Variants in HDAC3 observed in about 807,000 individuals in gnomAD.
The protein encoded by HDAC3 is SMAP45.
HDAC3 carries 21 observed loss-of-function variants against 62.3 expected under a neutral mutation model. The observed-to-expected ratio is 0.34, with a 90% CI of 0.24 to 0.49. HDAC3 has a LOEUF of 0.49. HDAC3 is among the 20% of genes least tolerant of loss of function. The pLI, the probability that HDAC3 is intolerant of heterozygous loss-of-function variation, is 0.99. For missense variants in HDAC3, 270 were observed against 556.9 expected, an observed-to-expected ratio of 0.48 and a Z score of 5.19; for synonymous variants, 198 against 206.5, an observed-to-expected ratio of 0.96 and a Z score of 0.35.
chr5:141,635,899 C>T (rs1438636690), intron 2 of HDAC3: 1 of 152,452 alleles, frequency 6.6e-6, no homozygotes, highest in Non-Finnish European at 1.5e-5. Context: ...TGGGCCACCA[C>T]GCCTGGCGTG....
At position 141,628,667 on chromosome 5, in the gene HDAC3, C is replaced by A; in HGVS notation, c.611-28G>T. 6.3e-7 allele frequency: 1 copy of A among 1,582,572 alleles called. No individual in the cohort carries two copies. Among genetic ancestry groups the A allele is most frequent in the Non-Finnish European group, 8.7e-7 (1 of 1,152,456 alleles). The stretch of plus-strand genomic sequence containing the variant: ...GTAGGGAAGTGGGTGGTGGTAGCCA[C>A]ACATGGGAAGCACCCACAACCCAGC... On this transcript the variant is annotated intron_variant, in intron 7 of 14. Transcript: ENST00000305264. The surrounding 1 kb of genome is among the most constrained non-coding windows in gnomAD (Gnocchi z 4.7).
chr5:141,626,226 A>G lies in HDAC3; in HGVS notation c.888T>C (p.Gly296=). 6.2e-7 allele frequency: 1 copy of G among 1,614,122 alleles called. No homozygotes were observed. Among genetic ancestry groups the G allele is most frequent in the African/African-American group, 1.3e-5 (1 of 75,020 alleles). The part of the protein sequence containing the change: ...FNIPLLVLGG[G]GYTVRNVARC... Reference sequence around the variant, plus strand: ...GGGCAACATTTCGGACAGTATAACCACCACCACCCAGCACGAGTAGAGGGA... The same window carrying G: ...GGGCAACATTTCGGACAGTATAACCGCCACCACCCAGCACGAGTAGAGGGA... The change falls in exon 11 of 15, where the codon GGT becomes GGC. Residue 296 remains glycine, a synonymous_variant. Coordinates refer to ENST00000305264, the MANE Select transcript of HDAC3 (RefSeq NM_003883.4). This position sits in a 1 kb window ranked among gnomAD's most constrained non-coding sequence, Gnocchi z 4.6.
rs2099904422 is a variant in HDAC3, at chr5:141,626,415, TTA to T, written c.831-134_831-133del. 3 of 710,726 alleles carry T rather than the reference TTA, an allele frequency of 4.2e-6. No individual in the cohort carries two copies. The highest frequency in any genetic ancestry group is 1.6e-5 in the South Asian group (1 of 61,040). 44.0% of individuals were successfully genotyped at this position (710,726 alleles called of 1,614,324 possible). A position where few individuals can be genotyped will look rare whatever the true frequency, so the allele number is the denominator to read the frequency against. ...ATCTTTATCTTGATAGTGAAATTCATTATGTTATACCCTTAAGATTTGGGTAT... is the reference window on the plus strand; with the variant it reads ...ATCTTTATCTTGATAGTGAAATTCATTGTTATACCCTTAAGATTTGGGTAT... On this transcript the variant is annotated intron_variant, in intron 10 of 14. Coordinates refer to ENST00000305264, the MANE Select transcript of HDAC3 (RefSeq NM_003883.4). This position sits in a 1 kb window ranked among gnomAD's most constrained non-coding sequence, Gnocchi z 4.6.
intron 3 of HDAC3, among the ~76,000 whole-genome samples, chr5:141,634,358 C>G (rs1014391801): frequency 6.6e-6 from 1 of 152,160 alleles, no homozygotes; most frequent in African/African-American, 2.4e-5. Context: ...CATACTCAGT[C>G]CTACCACAGA....
intron 3 of HDAC3, among the ~76,000 whole-genome samples, chr5:141,631,910 A>ATATTAT (rs146879536): frequency 6.6e-6 from 1 of 152,020 alleles, no homozygotes; most frequent in Non-Finnish European, 1.5e-5. Flanking sequence ...CAGTCAATTA[A>ATATTAT]TATTATTATT....
intron 3 of HDAC3, 61 bp downstream of exon 3, chr5:141,634,750 G>C (rs2099905731): frequency 6.4e-7 from 1 of 1,551,050 alleles, no homozygotes; most frequent in African/African-American, 1.4e-5. Flanking sequence ...GCTGCCAAAA[G>C]ACCTCACTGA....
chr5:141,636,746 G>T lies in HDAC3; in HGVS notation c.45C>A (p.Asn15Lys). 1.2e-6 allele frequency: 2 copies of T among 1,614,096 alleles called. No individual in the cohort carries two copies. Among genetic ancestry groups the T allele is most frequent in the Non-Finnish European group, 8.5e-7 (1 of 1,179,948 alleles). The change falls in exon 1 of 15, where the codon AAC becomes AAA. Residue 15 changes from asparagine (N) to lysine (K), a missense_variant. Asn to Lys is a moderately conservative substitution (Grantham distance 94). Coordinates refer to ENST00000305264, the MANE Select transcript of HDAC3 (RefSeq NM_003883.4). ...TCCCTGTTTCCTCACCGTAGTGGAA[G>T]TTGCCCACGTCGGGGTCGTAGAAAT... ...VAYFYDPDVGNFHYGAGHPMK... is the reference protein window; with the variant it reads ...VAYFYDPDVGKFHYGAGHPMK...
chr5:141,629,932 C>T lies in HDAC3; in HGVS notation c.364-16G>A, dbSNP rs774094606. On this transcript the variant is annotated splice_polypyrimidine_tract_variant and intron_variant, in intron 4 of 14. Transcript: ENST00000305264. This position sits in a 1 kb window ranked among gnomAD's most constrained non-coding sequence, Gnocchi z 5.3. ...TATCACAGATCTGAAAGACAAACAC[C>T]TAAGTCACAGTCCTTCCTGCCCACC... The T allele has an allele frequency of 1.2e-6, 2 of 1,614,152 alleles. No individual in the cohort carries two copies. Among genetic ancestry groups the T allele is most frequent in the Non-Finnish European group, 1.7e-6 (2 of 1,179,994 alleles).
Position 141,636,824 on chromosome 5 carries a change from G to A in HDAC3, c.-34C>T, listed in dbSNP as rs568981285. 1.9e-5 allele frequency: 28 copies of A among 1,476,840 alleles called. No individual in the cohort carries two copies. Among genetic ancestry groups the A allele is most frequent in the Admixed American group, 1.3e-4 (5 of 39,276 alleles). The allele number at this position is 1,476,840 out of a possible 1,614,324, so 91.5% of individuals were successfully genotyped here. A position where few individuals can be genotyped will look rare whatever the true frequency, so the allele number is the denominator to read the frequency against. ...CGGGAGCAGGCCCCGCACCTCCGCC[G>A]CCCGCCGCCCGCGGCCGCCGCCAGC... On this transcript the variant is annotated 5_prime_UTR_variant, in exon 1 of 15. Coordinates refer to ENST00000305264, the MANE Select transcript of HDAC3 (RefSeq NM_003883.4).
chr5:141,622,565 T>C (rs2099903856), intron 14 of HDAC3, among the ~76,000 whole-genome samples: 1 of 149,800 alleles, frequency 6.7e-6, no homozygotes, highest in African/African-American at 2.5e-5. Context: ...GATTAGCCAC[T>C]GCACTCCAGC....
intron 3 of HDAC3, among the ~76,000 whole-genome samples, chr5:141,630,909 A>G (rs539816760): frequency 6.7e-6 from 1 of 149,766 alleles, no homozygotes; most frequent in Non-Finnish European, 1.5e-5. Flanking sequence ...CTGGTCTCAA[A>G]CTCCTGGGCC....
In HDAC3 at chr5:141,636,792, G is replaced by A. The variant is rs1038034383; in HGVS notation, c.-2C>T. On this transcript the variant is annotated 5_prime_UTR_variant, in exon 1 of 15. Transcript: ENST00000305264. ...GAAATAGGCCACGGTCTTGGCCATG[G>A]TGCCGGCGGGAGCAGGCCCCGCACC... 3 of 1,603,934 alleles carry A rather than the reference G, an allele frequency of 1.9e-6. No individual in the cohort carries two copies. Among genetic ancestry groups the A allele is most frequent in the African/African-American group, 1.3e-5 (1 of 74,382 alleles).
intron 2 of HDAC3, among the ~76,000 whole-genome samples, chr5:141,635,556 C>T (rs2154598084): frequency 6.6e-6 from 1 of 152,344 alleles, no homozygotes; most frequent in Middle Eastern, 3.4e-3. Context: ...AAGCAATGAA[C>T]ATTCATTCAT....
At chr5:141,627,019 G>C (rs1304075673) in intron 10 of HDAC3, among the ~76,000 whole-genome samples, 1 of 151,906 alleles carries the variant, frequency 6.6e-6, no homozygotes, top group African/African-American at 2.4e-5. Flanking sequence ...ATCCTTCAAT[G>C]GTTTCCCATC....
intron 3 of HDAC3, among the ~76,000 whole-genome samples, chr5:141,634,364 A>G (rs948914430): frequency 6.6e-6 from 1 of 151,964 alleles, no homozygotes; most frequent in African/African-American, 2.4e-5. Context: ...CAGTCCTACC[A>G]CAGACCCTTA....
chr5:141,636,496 C>A, intron 2 of HDAC3, 52 bp downstream of exon 2: 8 of 1,536,876 alleles, frequency 5.2e-6, no homozygotes, highest in Non-Finnish European at 6.3e-6. Context: ...CCTATCCCTA[C>A]GGCCACAGCT....
chr5:141,628,521 A>AG lies in HDAC3; in HGVS notation c.691+37dup. ...AGAGGTTATTTCAAGGAGAAAAAGA[A>AG]GGGGCCTAGGGAACAGAGGGAAGAC... On this transcript the variant is annotated intron_variant, in intron 8 of 14. Transcript: ENST00000305264. The surrounding 1 kb of genome is among the most constrained non-coding windows in gnomAD (Gnocchi z 4.7). 1 of 1,517,240 alleles carries AG rather than the reference A, an allele frequency of 6.6e-7. No homozygotes were observed. The highest frequency in any genetic ancestry group is 9.2e-7 in the Non-Finnish European group (1 of 1,092,400). 94.0% of individuals were successfully genotyped at this position (1,517,240 alleles called of 1,614,324 possible).
At chr5:141,636,697 C>T (rs374487474) in intron 1 of HDAC3, 39 bp downstream of exon 1, 3 of 1,613,444 alleles carry the variant, frequency 1.9e-6, no homozygotes, top group African/African-American at 2.7e-5. Context: ...CTCAAAACCT[C>T]CGTGTCCCAA....
rs774024187 is a variant in HDAC3 at position 141,626,232 on chromosome 5, A to C, written c.882T>G (p.Gly294=). 12 of 1,613,952 alleles carry C rather than the reference A, an allele frequency of 7.4e-6. No homozygotes were observed. Among genetic ancestry groups the C allele is most frequent in the Non-Finnish European group, 9.3e-6 (11 of 1,180,016 alleles). ...CATTTCGGACAGTATAACCACCACC[A>C]CCCAGCACGAGTAGAGGGATATTGA... ...KSFNIPLLVL[G]GGGYTVRNVA... is the part of the protein sequence containing the mutation. The change falls in exon 11 of 15, where the codon GGT becomes GGG. Residue 294 remains glycine, a synonymous_variant. Transcript: ENST00000305264. This position sits in a 1 kb window ranked among gnomAD's most constrained non-coding sequence, Gnocchi z 4.6.
Sources: allele counts gnomAD v4.1 joint callset (sites outside exome capture counted in the v4.1 genomes callset), GRCh38; gene constraint gnomAD v4.1.1; non-coding constraint Gnocchi (gnomAD v3.1); transcripts MANE v1.5; gene names NCBI Gene and HGNC (gene_info 2026-07-23, HGNC 2026-07-21).